Variants in MYOF observed in about 807,000 individuals in gnomAD.
The protein encoded by MYOF is myoferlin.
Under a neutral mutation model 284.2 loss-of-function variants are expected in MYOF, and 244 were observed. The ratio of observed to expected loss-of-function variants is 0.86; its 90% CI spans 0.77 to 0.95. The LOEUF (loss-of-function observed/expected upper bound fraction) is 0.95. Among genes scored for constraint, MYOF ranks in the 40% least tolerant of loss-of-function variants. The pLI, the probability that MYOF is intolerant of heterozygous loss-of-function variation, is 0.00. For synonymous variants in MYOF, 904 were observed against 919.7 expected (o/e 0.98, Z 0.31); for missense variants, 2,496 against 2,560.6 (o/e 0.97, Z 0.54).
intron 21 of MYOF, among the ~76,000 whole-genome samples, chr10:93,379,592 G>T (rs1312646053): frequency 1.3e-5 from 2 of 152,126 alleles, no homozygotes. Flanking sequence ...AGGCTGGAGG[G>T]CAGATGTAGT....
At chr10:93,405,612 A>G (rs1016247980) in intron 7 of MYOF, among the ~76,000 whole-genome samples, 25 of 151,958 alleles carry the variant, frequency 1.6e-4, no homozygotes, top group African/African-American at 5.6e-4. Flanking sequence ...AATATCCCAC[A>G]GTCTAGATTT....
At chr10:93,365,446 T>G (rs1564652943) in intron 26 of MYOF, among the ~76,000 whole-genome samples, 1 of 152,220 alleles carries the variant, frequency 6.6e-6, no homozygotes, top group South Asian at 2.1e-4. Context: ...GCTTTTGAGA[T>G]ATAGTTCACA....
chr10:93,313,884 G>C (rs1842498230), intron 50 of MYOF, among the ~76,000 whole-genome samples: 1 of 152,108 alleles, frequency 6.6e-6, no homozygotes, highest in Non-Finnish European at 1.5e-5. Context: ...CTGGGCAGCA[G>C]AGCGAGATTC....
At chr10:93,427,180 C>T (rs546861487) in intron 4 of MYOF, among the ~76,000 whole-genome samples, 1 of 149,704 alleles carries the variant, frequency 6.7e-6, no homozygotes, top group African/African-American at 2.5e-5. Flanking sequence ...GCCACCGTGC[C>T]CGGGGAGACT....
At chr10:93,328,431 A>G (rs1285920852) in intron 45 of MYOF, among the ~76,000 whole-genome samples, 2 of 152,232 alleles carry the variant, frequency 1.3e-5, no homozygotes, top group African/African-American at 4.8e-5. Flanking sequence ...AAATGATGGG[A>G]TAAACCTGGA....
intron 1 of MYOF, among the ~76,000 whole-genome samples, chr10:93,470,848 A>G (rs1482268935): frequency 2.0e-5 from 3 of 152,168 alleles, no homozygotes; most frequent in Admixed American, 6.5e-5. Flanking sequence ...CAATGCTTGG[A>G]TCAATGCTTG....
intron 5 of MYOF, among the ~76,000 whole-genome samples, chr10:93,421,499 C>G (rs1048562710): frequency 5.9e-5 from 9 of 152,142 alleles, no homozygotes; most frequent in African/African-American, 2.2e-4. Context: ...CCCTCGAAAT[C>G]TTATGTTGAA....
At chr10:93,396,413 C>T (rs1190758120) in intron 15 of MYOF, among the ~76,000 whole-genome samples, 189 bp from the exon 16 acceptor site, 2 of 152,122 alleles carry the variant, frequency 1.3e-5, no homozygotes, top group East Asian at 3.8e-4. Flanking sequence ...TTCTCACCCT[C>T]ATCTCCTGCC....
At chr10:93,379,807 T>A in intron 21 of MYOF, 56 bp downstream of exon 21, 1 of 1,605,200 alleles carries the variant, frequency 6.2e-7, no homozygotes, top group Non-Finnish European at 8.5e-7. Context: ...GCCTCCATCC[T>A]AATACCTAAT....
chr10:93,362,326 A>C (rs552490492), intron 27 of MYOF, among the ~76,000 whole-genome samples: 61 of 150,058 alleles, frequency 4.1e-4, no homozygotes, highest in African/African-American at 1.3e-3. Flanking sequence ...AGTCACTGCA[A>C]CCTCCCCTCC....
At chr10:93,363,913 C>G (rs377495995) in intron 27 of MYOF, 48 bp downstream of exon 27, 11 of 1,564,494 alleles carry the variant, frequency 7.0e-6, no homozygotes, top group Non-Finnish European at 9.7e-6. Context: ...CCGCAGATCA[C>G]GATCAGAGGT....
chr10:93,405,207 G>T (rs1847497562), intron 7 of MYOF, among the ~76,000 whole-genome samples: 1 of 152,150 alleles, frequency 6.6e-6, no homozygotes, highest in Non-Finnish European at 1.5e-5. Flanking sequence ...CATCTCCTAA[G>T]AGCAAGGACA....
In MYOF at chr10:93,306,878, G is replaced by T; in HGVS notation, c.*85C>A. The stretch of plus-strand genomic sequence containing the variant: ...AACCTGCTACTGGGGTGTGGTCTCA[G>T]ACACAAAATCACACTGGATGTTGGT... On this transcript the variant is annotated 3_prime_UTR_variant, in exon 54 of 54. Transcript: ENST00000359263. 2 of 1,417,000 alleles carry T rather than the reference G, an allele frequency of 1.4e-6. No individual in the cohort carries two copies. The highest frequency in any genetic ancestry group is 1.2e-5 in the South Asian group (1 of 85,150). The allele number at this position is 1,417,000 out of a possible 1,614,324, so 87.8% of individuals were successfully genotyped here. A position where few individuals can be genotyped will look rare whatever the true frequency, so the allele number is the denominator to read the frequency against.
rs764325924 is a variant in MYOF at position 93,426,087 on chromosome 10, G to A, written c.417C>T (p.Ser139=). The A allele has an allele frequency of 3.3e-5, 52 of 1,556,950 alleles. 1 individual carries two copies. The Middle Eastern group carries it at 7.5e-4, about 22-fold the overall frequency. ...APHPNDLSGP[S]VPGMGGDGEE... ...TCAGCTTACCTCCCATGCCTGGCAC[G>A]CTGGGCCCGCTCAGGTCATTTGGAT... Residue 139 remains serine (S), a synonymous_variant, in exon 5 of 54, where the codon AGC becomes AGT. Coordinates refer to ENST00000359263, the MANE Select transcript of MYOF (RefSeq NM_013451.4).
intron 38 of MYOF, chr10:93,341,985 A>C (rs1469845814): frequency 1.3e-5 from 17 of 1,289,356 alleles, no homozygotes; most frequent in Non-Finnish European, 1.6e-5. Flanking sequence ...ATTGGAAGGT[A>C]ATTGTTGAGA....
intron 46 of MYOF, 54 bp from the exon 47 acceptor site, chr10:93,323,412 G>A: frequency 6.9e-7 from 1 of 1,441,890 alleles, no homozygotes; most frequent in Non-Finnish European, 9.5e-7. Context: ...GGTAGCAGAA[G>A]TCACAATTTT....
chr10:93,333,409 G>A, intron 42 of MYOF, 97 bp from the exon 43 acceptor site: 1 of 1,068,120 alleles, frequency 9.4e-7, no homozygotes, highest in Non-Finnish European at 1.5e-6. Context: ...CCCACTCCCA[G>A]CTGATGACAA....
At chr10:93,395,252 G>C (rs1458668908) in intron 16 of MYOF, among the ~76,000 whole-genome samples, 1 of 152,170 alleles carries the variant, frequency 6.6e-6, no homozygotes, top group Non-Finnish European at 1.5e-5. Flanking sequence ...AGACCATCCT[G>C]GCCAACATGG....
intron 46 of MYOF, chr10:93,324,228 G>C (rs1483892149): frequency 6.6e-6 from 1 of 152,238 alleles, no homozygotes; most frequent in Non-Finnish European, 1.5e-5. Flanking sequence ...CTGTTTTTGA[G>C]TGTTCTGTAG....
Sources: gnomAD v4.1 joint callset for allele counts (sites outside exome capture counted in the v4.1 genomes callset) on GRCh38, gnomAD v4.1.1 for gene constraint, MANE v1.5 for transcripts, NCBI Gene and HGNC (gene_info 2026-07-23, HGNC 2026-07-21) for gene names.